CPNE1: variants seen among roughly 807,000 people sequenced by gnomAD.
CPNE1 encodes copine 1, also known as copine-1.
In CPNE1, 58 loss-of-function variants were observed where a neutral mutation model predicts 63.2. That is an observed-to-expected ratio of 0.92 (90% CI 0.74 to 1.14). The LOEUF (loss-of-function observed/expected upper bound fraction) is 1.14. CPNE1 is among the 50% of genes most tolerant of loss of function. CPNE1 has a pLI of 0.00. For missense variants in CPNE1, 672 were observed against 661.7 expected, an observed-to-expected ratio of 1.02 and a Z score of -0.17; for synonymous variants, 237 against 249.0, an observed-to-expected ratio of 0.95 and a Z score of 0.45.
At chr20:35,628,773 T>C (rs371774867) in intron 13 of CPNE1, among the ~76,000 whole-genome samples, 2 of 152,268 alleles carry the variant, frequency 1.3e-5, no homozygotes, top group East Asian at 1.9e-4. Flanking sequence ...ATTGGCAACA[T>C]CTGAATAAAT....
At chr20:35,647,401 G>C (rs941278115) in intron 1 of CPNE1, 2 of 150,526 alleles carry the variant, frequency 1.3e-5, no homozygotes, top group African/African-American at 4.9e-5. Flanking sequence ...TGTTTAATTC[G>C]TTTTTAATAT....
intron 14 of CPNE1, 164 bp from the exon 15 acceptor site, chr20:35,626,967 C>T: frequency 1.5e-6 from 1 of 668,010 alleles, no homozygotes; most frequent in Non-Finnish European, 2.6e-6. Context: ...GCAGGCGGAT[C>T]ACTTGAGGTC....
intron 1 of CPNE1, among the ~76,000 whole-genome samples, chr20:35,633,557 C>T (rs2032301123): frequency 2.0e-5 from 3 of 152,004 alleles, no homozygotes. Context: ...CAGCATTAGC[C>T]TCTTCAACTG....
chr20:35,626,344 TC>T lies in CPNE1; in HGVS notation c.1510del (p.Glu504LysfsTer71), dbSNP rs1197188239. The T allele has an allele frequency of 1.2e-6, 2 of 1,613,980 alleles. No individual in the cohort carries two copies. The highest frequency in any genetic ancestry group is 1.7e-6 in the Non-Finnish European group (2 of 1,180,020). ...REALAQTVLAEVPTQLVSYFR... is the reference protein window; with the variant it reads ...REALAQTVLAXVPTQLVSYFR... ...GTATGAGACCAGTTGTGTGGGCACTTCTGCGAGCACGGTCTGTGCCAATGCC... is the reference window on the plus strand; with the variant it reads ...GTATGAGACCAGTTGTGTGGGCACTTTGCGAGCACGGTCTGTGCCAATGCC... On this transcript the variant is annotated frameshift_variant, in exon 16 of 16. Transcript: ENST00000397443. LOFTEE classifies it high-confidence loss of function.
intron 1 of CPNE1, among the ~76,000 whole-genome samples, chr20:35,644,301 T>C (rs1393245798): frequency 6.6e-6 from 1 of 152,104 alleles, no homozygotes; most frequent in Non-Finnish European, 1.5e-5. Context: ...TGCTCCAGGA[T>C]ATAACTAGCA....
intron 1 of CPNE1, among the ~76,000 whole-genome samples, chr20:35,643,737 C>CA (rs886224852): frequency 2.0e-5 from 3 of 151,940 alleles, no homozygotes; most frequent in African/African-American, 4.8e-5. Flanking sequence ...GTTGCGAAAA[C>CA]AAAAAAACAA....
At chr20:35,628,674 G>C (rs956625083) in intron 13 of CPNE1, among the ~76,000 whole-genome samples, 1 of 152,200 alleles carries the variant, frequency 6.6e-6, no homozygotes, top group Non-Finnish European at 1.5e-5. Context: ...GTCATGAAAG[G>C]CAAGAAGTCT....
intron 1 of CPNE1, among the ~76,000 whole-genome samples, chr20:35,636,562 C>T (rs559526302): frequency 3.9e-5 from 6 of 152,234 alleles, no homozygotes; most frequent in African/African-American, 1.2e-4. Context: ...CGTTTTGGGA[C>T]GCCGAGGCAG....
intron 1 of CPNE1, among the ~76,000 whole-genome samples, chr20:35,643,726 T>C (rs183743955): frequency 1.3e-5 from 2 of 152,242 alleles, no homozygotes; most frequent in Admixed American, 6.5e-5. Flanking sequence ...AGTGAGACTC[T>C]GTTGCGAAAA....
chr20:35,634,905 ATTTTTTTTTT>A (rs56017917), intron 1 of CPNE1, among the ~76,000 whole-genome samples: 7 of 122,096 alleles, frequency 5.7e-5, no homozygotes, highest in African/African-American at 2.2e-4. Context: ...ACACCCAGCT[ATTTTTTTTTT>A]TTTTTTTTTG....
At chr20:35,654,437 GC>G (rs769418175) in intron 1 of CPNE1, 1 of 1,614,172 alleles carries the variant, frequency 6.2e-7, no homozygotes, top group Non-Finnish European at 8.5e-7. Context: ...ATGGGGAGTG[GC>G]TTCACACTGC....
intron 1 of CPNE1, chr20:35,643,400 T>C (rs2032928751): frequency 6.6e-6 from 1 of 152,088 alleles, no homozygotes; most frequent in Non-Finnish European, 1.5e-5. Context: ...GGAGTGGGTG[T>C]TTTTCTCTGC....
At chr20:35,660,151 A>C (rs2034150175) in intron 1 of CPNE1, among the ~76,000 whole-genome samples, 1 of 152,238 alleles carries the variant, frequency 6.6e-6, no homozygotes, top group African/African-American at 2.4e-5. Context: ...CAACACAATC[A>C]AAAGTCTAGA....
At chr20:35,634,568 T>C (rs1360790505) in intron 1 of CPNE1, among the ~76,000 whole-genome samples, 2 of 151,948 alleles carry the variant, frequency 1.3e-5, no homozygotes, top group Admixed American at 6.6e-5. Flanking sequence ...TACTCCAGCC[T>C]GGGCAACAAA....
chr20:35,646,459 G>A (rs1383621126), intron 1 of CPNE1, among the ~76,000 whole-genome samples: 2 of 146,908 alleles, frequency 1.4e-5, no homozygotes, highest in Non-Finnish European at 3.0e-5. Context: ...CTGGGCTCAA[G>A]CGATCCTCCC....
intron 15 of CPNE1, 42 bp downstream of exon 15, chr20:35,626,525 G>C: frequency 6.2e-7 from 1 of 1,601,448 alleles, no homozygotes; most frequent in Non-Finnish European, 8.6e-7. Context: ...ATCAGGGAAA[G>C]GTGAAAGGGT....
intron 1 of CPNE1, among the ~76,000 whole-genome samples, chr20:35,635,747 C>A (rs561089894): frequency 6.6e-6 from 1 of 152,336 alleles, no homozygotes; most frequent in Non-Finnish European, 1.5e-5. Context: ...AGCGTCAGCC[C>A]TCCCCTATAC....
At chr20:35,647,979 C>A (rs183885679) in intron 1 of CPNE1, among the ~76,000 whole-genome samples, 1 of 151,026 alleles carries the variant, frequency 6.6e-6, no homozygotes, top group Non-Finnish European at 1.5e-5. Flanking sequence ...GCAGGAGAAT[C>A]GCTTGAACCC....
chr20:35,649,302 C>T (rs8050), intron 1 of CPNE1: 2 of 152,154 alleles, frequency 1.3e-5, no homozygotes, highest in South Asian at 4.1e-4. Context: ...CTGTACACAA[C>T]CACAGACTCC....
Sources: gnomAD v4.1 joint callset for allele counts (sites outside exome capture counted in the v4.1 genomes callset) on GRCh38, gnomAD v4.1.1 for gene constraint, MANE v1.5 for transcripts, NCBI Gene and HGNC (gene_info 2026-07-23, HGNC 2026-07-21) for gene names.